HEXB: variants seen among roughly 807,000 people sequenced by gnomAD.
The protein encoded by HEXB is hexosaminidase subunit beta, also known as beta-hexosaminidase subunit beta.
HEXB carries 51 observed loss-of-function variants against 71.2 expected under a neutral mutation model. The ratio of observed to expected loss-of-function variants is 0.72; its 90% CI spans 0.57 to 0.90. The LOEUF (loss-of-function observed/expected upper bound fraction) is 0.90. HEXB is among the 40% of genes least tolerant of loss of function. The pLI is 0.00. For synonymous variants in HEXB, 266 were observed against 249.3 expected (o/e 1.07, Z -0.63); for missense variants, 617 against 677.0 (o/e 0.91, Z 0.98).
chr5:74,656,547 C>T, intron 1 of HEXB, among the ~76,000 whole-genome samples: 1 of 140,012 alleles, frequency 7.1e-6, no homozygotes, highest in African/African-American at 2.6e-5. Flanking sequence ...AAATAAAAGT[C>T]AGGAGAAGCA....
chr5:74,643,570 A>G (rs1271066826), intron 1 of HEXB, among the ~76,000 whole-genome samples: 1 of 152,154 alleles, frequency 6.6e-6, no homozygotes, highest in African/African-American at 2.4e-5. Flanking sequence ...TCATTTTTTA[A>G]TGCTATTAAG....
At chr5:74,657,419 G>A (rs942508548) in intron 1 of HEXB, among the ~76,000 whole-genome samples, 1 of 152,090 alleles carries the variant, frequency 6.6e-6, no homozygotes. Context: ...TCCTATTAGC[G>A]AGCCTGTCCC....
chr5:74,706,261 A>C (rs1467452706), intron 6 of HEXB: 1 of 152,252 alleles, frequency 6.6e-6, no homozygotes, highest in Non-Finnish European at 1.5e-5. Context: ...ATTGCAGCTA[A>C]AAAATTAAGA....
chr5:74,650,727 C>T (rs1033368344), intron 1 of HEXB, among the ~76,000 whole-genome samples: 1 of 151,572 alleles, frequency 6.6e-6, no homozygotes, highest in African/African-American at 2.4e-5. Flanking sequence ...CGAGACCATC[C>T]GGGCTAACAC....
chr5:74,644,461 C>T (rs1747963572), intron 1 of HEXB, among the ~76,000 whole-genome samples: 1 of 152,040 alleles, frequency 6.6e-6, no homozygotes, highest in South Asian at 2.1e-4. Flanking sequence ...ATATACAAAC[C>T]TAGGAAAATG....
At chr5:74,666,880 T>C (rs1748441542) in intron 1 of HEXB, among the ~76,000 whole-genome samples, 1 of 152,104 alleles carries the variant, frequency 6.6e-6, no homozygotes, top group African/African-American at 2.4e-5. Context: ...CAGAACATAA[T>C]GGAGACGTGT....
At chr5:74,699,754 G>A (rs1331514899) in intron 5 of HEXB, among the ~76,000 whole-genome samples, 2 of 152,126 alleles carry the variant, frequency 1.3e-5, no homozygotes, top group East Asian at 1.9e-4. Context: ...GGCTTAAGAT[G>A]TATATATTTT....
chr5:74,669,317 T>C (rs1231145238), intron 1 of HEXB, among the ~76,000 whole-genome samples: 4 of 152,170 alleles, frequency 2.6e-5, no homozygotes, highest in Non-Finnish European at 5.9e-5. Flanking sequence ...TTTTTTTCAG[T>C]TATGAGCATT....
At chr5:74,651,693 T>C (rs767497718) in intron 1 of HEXB, among the ~76,000 whole-genome samples, 1 of 152,222 alleles carries the variant, frequency 6.6e-6, no homozygotes, top group Non-Finnish European at 1.5e-5. Context: ...AACCGAGGTC[T>C]CTTTTGAAGC....
intron 1 of HEXB, among the ~76,000 whole-genome samples, chr5:74,686,143 AGGC>A (rs2112124266): frequency 7.1e-6 from 1 of 140,408 alleles, no homozygotes; most frequent in Non-Finnish European, 1.6e-5. Context: ...GTCAGTGGTT[AGGC>A]AGTATCCAAC....
chr5:74,661,721 G>A (rs919994410), intron 1 of HEXB, among the ~76,000 whole-genome samples: 2 of 152,108 alleles, frequency 1.3e-5, no homozygotes, highest in African/African-American at 4.8e-5. Flanking sequence ...TTGAAACTGA[G>A]TTCTACTTAA....
Position 74,716,666 on chromosome 5 carries a change from A to G in HEXB, c.1162A>G (p.Ile388Val). 2 of 1,587,982 alleles carry G rather than the reference A, an allele frequency of 1.3e-6. No individual in the cohort carries two copies. Among genetic ancestry groups the G allele is most frequent in the Non-Finnish European group, 1.7e-6 (2 of 1,158,886 alleles). ...TTTTAAGAAACTAGAATCTTTCTAC[A>G]TTCAAAAGTAAGTTGTTTGAAAGCC... Reference protein sequence around the residue: ...TDFKKLESFYIQKVLDIIATI... With the variant: ...TDFKKLESFYVQKVLDIIATI... Residue 388 changes from isoleucine (I) to valine (V), a missense_variant, in exon 9 of 14, where the codon ATT (isoleucine) becomes GTT (valine). Physicochemically the swap from Ile to Val is conservative, Grantham distance 29. Coordinates refer to ENST00000261416, the MANE Select transcript of HEXB (RefSeq NM_000521.4).
chr5:74,666,345 A>G (rs535687943), intron 1 of HEXB, among the ~76,000 whole-genome samples: 26 of 140,636 alleles, frequency 1.8e-4, no homozygotes, highest in African/African-American at 6.7e-4. Flanking sequence ...TTGTCATTTC[A>G]CATGCAAATG....
chr5:74,705,184 T>C, intron 5 of HEXB, 35 bp from the exon 6 acceptor site: 1 of 1,136,492 alleles, frequency 8.8e-7, no homozygotes, highest in South Asian at 1.2e-5. Flanking sequence ...ATATGATATC[T>C]GCAGTAAATA....
upstream of HEXB, chr5:74,685,135 C>T (rs71627068): frequency 0.56 from 594,357 of 1,052,904 alleles, 169,446 homozygotes; most frequent in Middle Eastern, 0.59. Flanking sequence ...GAGTCGGGGG[C>T]GGGCGCGCGC....
chr5:74,714,198 C>A (rs531169253), intron 7 of HEXB, among the ~76,000 whole-genome samples: 5 of 152,154 alleles, frequency 3.3e-5, no homozygotes, highest in South Asian at 2.1e-4. Flanking sequence ...TATTTTATGA[C>A]CTAGTGTTTG....
intron 1 of HEXB, among the ~76,000 whole-genome samples, chr5:74,667,996 G>A (rs184730466): frequency 2.0e-5 from 3 of 152,224 alleles, no homozygotes; most frequent in Admixed American, 2.0e-4. Flanking sequence ...ACTGGGAAGG[G>A]CTAAATGGTT....
chr5:74,700,070 A>G (rs866826321), intron 5 of HEXB, among the ~76,000 whole-genome samples: 8 of 130,730 alleles, frequency 6.1e-5, no homozygotes, highest in African/African-American at 2.1e-4. Flanking sequence ...GCAGTGGCAC[A>G]ATCTTGGCTC....
chr5:74,663,825 C>G (rs753405546), intron 1 of HEXB, among the ~76,000 whole-genome samples: 80 of 152,166 alleles, frequency 5.3e-4, no homozygotes, highest in Non-Finnish European at 9.4e-4. Flanking sequence ...AGATGGATTA[C>G]TTAAAAATGG....
Sources: gnomAD v4.1 joint callset for allele counts (sites outside exome capture counted in the v4.1 genomes callset) on GRCh38, gnomAD v4.1.1 for gene constraint, MANE v1.5 for transcripts, NCBI Gene and HGNC (gene_info 2026-07-23, HGNC 2026-07-21) for gene names.